DLGAP4: variants seen among roughly 807,000 people sequenced by gnomAD.
DLGAP4 encodes disks large-associated protein 4.
Under a neutral mutation model 86.9 loss-of-function variants are expected in DLGAP4, and 18 were observed. That is an observed-to-expected ratio of 0.21 (90% CI 0.14 to 0.31). DLGAP4 has a LOEUF of 0.31. DLGAP4 is among the 10% of genes least tolerant of loss of function. The pLI, the probability that DLGAP4 is intolerant of heterozygous loss-of-function variation, is 1.00. For synonymous variants in DLGAP4, 548 were observed against 574.3 expected, an observed-to-expected ratio of 0.95 and a Z score of 0.65; for missense variants, 1,085 against 1,362.6, an observed-to-expected ratio of 0.80 and a Z score of 3.21.
chr20:36,426,003 G>A (rs2032963199), intron 2 of DLGAP4, among the ~76,000 whole-genome samples: 1 of 152,120 alleles, frequency 6.6e-6, no homozygotes, highest in Non-Finnish European at 1.5e-5. Context: ...ATCCAAAGAT[G>A]AATGGATTAA....
chr20:36,485,002 T>C (rs1253800350), intron 7 of DLGAP4, among the ~76,000 whole-genome samples: 2 of 152,256 alleles, frequency 1.3e-5, no homozygotes, highest in Non-Finnish European at 1.5e-5. Flanking sequence ...TGTGATATTT[T>C]AATATATCCA....
chr20:36,389,848 T>C (rs1420291084), intron 2 of DLGAP4, among the ~76,000 whole-genome samples: 3 of 152,018 alleles, frequency 2.0e-5, no homozygotes, highest in Non-Finnish European at 2.9e-5. Flanking sequence ...GTGTGCAGAG[T>C]ATCCATGTCC....
intron 7 of DLGAP4, among the ~76,000 whole-genome samples, chr20:36,451,560 A>G (rs2033736186): frequency 6.6e-6 from 1 of 152,028 alleles, no homozygotes; most frequent in Admixed American, 6.6e-5. Context: ...CATGTTGGCC[A>G]GGCTAGTGTC....
intron 7 of DLGAP4, among the ~76,000 whole-genome samples, chr20:36,491,121 A>T (rs1489911365): frequency 9.9e-5 from 15 of 151,720 alleles, no homozygotes; most frequent in Non-Finnish European, 1.5e-5. Flanking sequence ...AGGCCTGGGA[A>T]GTGGAGGATG....
At chr20:36,340,809 T>G (rs900164802) in intron 1 of DLGAP4, among the ~76,000 whole-genome samples, 2 of 152,206 alleles carry the variant, frequency 1.3e-5, no homozygotes, top group Non-Finnish European at 2.9e-5. Context: ...AAGAGCTTGA[T>G]GCAGGTGCTG....
chr20:36,420,511 G>C lies in DLGAP4; in HGVS notation c.-72-11135G>C, dbSNP rs149188307. Among the ~76,000 whole-genome samples the C allele has an allele frequency of 2.6e-5, 4 of 152,292 alleles. No homozygotes were observed. In the East Asian group the frequency reaches 7.7e-4, roughly 29 times the overall value. On this transcript the variant is annotated intron_variant, in intron 2 of 12. Coordinates refer to ENST00000339266, the MANE Select transcript of DLGAP4 (RefSeq NM_001365621.2). Reference sequence around the variant, plus strand: ...GACAGAATGAAGACCCAAGGGAAGAGGGGCAGGAAATGAGGTCGGGAAAGC... The same window carrying C: ...GACAGAATGAAGACCCAAGGGAAGACGGGCAGGAAATGAGGTCGGGAAAGC...
At chr20:36,426,577 G>T (rs1184223754) in intron 2 of DLGAP4, among the ~76,000 whole-genome samples, 2 of 152,010 alleles carry the variant, frequency 1.3e-5, no homozygotes, top group Non-Finnish European at 2.9e-5. Flanking sequence ...GAGGAGAAAA[G>T]AAGTTTTTGC....
At chr20:36,353,920 G>A (rs1732421786) in intron 1 of DLGAP4, among the ~76,000 whole-genome samples, 3 of 152,214 alleles carry the variant, frequency 2.0e-5, no homozygotes, top group South Asian at 4.1e-4. Context: ...GAGGTTGAGC[G>A]TCTTACCTAA....
At chr20:36,439,635 T>A in intron 4 of DLGAP4, 119 bp from the exon 5 acceptor site, 1 of 814,552 alleles carries the variant, frequency 1.2e-6, no homozygotes, top group East Asian at 2.7e-5. Flanking sequence ...GCTGCCACCC[T>A]GCGGCTGCAG....
chr20:36,379,560 A>C (rs1259442884), intron 2 of DLGAP4, among the ~76,000 whole-genome samples: 3 of 152,138 alleles, frequency 2.0e-5, no homozygotes, highest in Non-Finnish European at 4.4e-5. Context: ...AAGAGAGAAG[A>C]CATCAGGGAA....
At chr20:36,426,716 G>A (rs1381374506) in intron 2 of DLGAP4, among the ~76,000 whole-genome samples, 1 of 152,088 alleles carries the variant, frequency 6.6e-6, no homozygotes, top group African/African-American at 2.4e-5. Context: ...GGTTAAAATG[G>A]CAAATTTTAT....
chr20:36,372,809 C>G (rs181026966), intron 2 of DLGAP4, among the ~76,000 whole-genome samples: 6 of 152,136 alleles, frequency 3.9e-5, no homozygotes, highest in Admixed American at 2.0e-4. Flanking sequence ...TGCCATTTTC[C>G]GCAGCTATAG....
intron 1 of DLGAP4, among the ~76,000 whole-genome samples, chr20:36,318,929 A>T (rs2065138689): frequency 6.6e-6 from 1 of 152,158 alleles, no homozygotes; most frequent in South Asian, 2.1e-4. Flanking sequence ...GAGGATCATG[A>T]GGTCAAGAGA....
intron 5 of DLGAP4, among the ~76,000 whole-genome samples, chr20:36,441,955 G>A (rs556467949): frequency 5.9e-5 from 9 of 152,002 alleles, no homozygotes; most frequent in Admixed American, 2.0e-4. Flanking sequence ...CCCACCACCC[G>A]CTGCCCAGTC....
intron 2 of DLGAP4, among the ~76,000 whole-genome samples, chr20:36,398,541 TC>T (rs890925622): frequency 6.6e-6 from 1 of 152,076 alleles, no homozygotes; most frequent in Admixed American, 6.5e-5. Flanking sequence ...GAAGAGTACA[TC>T]AGGTGGCAGG....
At chr20:36,371,861 T>C (rs1184491143) in intron 2 of DLGAP4, among the ~76,000 whole-genome samples, 1 of 152,152 alleles carries the variant, frequency 6.6e-6, no homozygotes, top group African/African-American at 2.4e-5. Context: ...TCCTGGGAAG[T>C]GGGGGCATGG....
chr20:36,496,134 A>G (rs1455665563), intron 7 of DLGAP4, among the ~76,000 whole-genome samples: 1 of 152,020 alleles, frequency 6.6e-6, no homozygotes, highest in Non-Finnish European at 1.5e-5. Flanking sequence ...AGCCTCCCAA[A>G]ATGCTGGGAC....
intron 2 of DLGAP4, among the ~76,000 whole-genome samples, chr20:36,416,650 C>A (rs547990408): frequency 1.3e-5 from 2 of 152,294 alleles, no homozygotes; most frequent in African/African-American, 4.8e-5. Flanking sequence ...GGCCTTACCC[C>A]CGACTTTTAA....
chr20:36,385,459 C>T (rs931356095), intron 2 of DLGAP4, among the ~76,000 whole-genome samples: 14 of 152,126 alleles, frequency 9.2e-5, no homozygotes, highest in Non-Finnish European at 8.8e-5. Context: ...CCTACACACA[C>T]CCCAGGAAGC....
Sources: allele counts gnomAD v4.1 joint callset (sites outside exome capture counted in the v4.1 genomes callset), GRCh38; gene constraint gnomAD v4.1.1; transcripts MANE v1.5; gene names NCBI Gene and HGNC (gene_info 2026-07-23, HGNC 2026-07-21).